Variants in SEMA6A observed in about 807,000 individuals in gnomAD.
SEMA6A encodes semaphorin-6A.
A neutral mutation model predicts 96.8 loss-of-function variants in SEMA6A; 25 were observed. The ratio of observed to expected loss-of-function variants is 0.26; its 90% CI spans 0.19 to 0.36. SEMA6A has a LOEUF of 0.36. SEMA6A is among the 10% of genes least tolerant of loss of function. The pLI, the probability that SEMA6A is intolerant of heterozygous loss-of-function variation, is 1.00. For synonymous variants in SEMA6A, 612 were observed against 518.0 expected, an observed-to-expected ratio of 1.18 and a Z score of -2.46; for missense variants, 1,363 against 1,323.1, an observed-to-expected ratio of 1.03 and a Z score of -0.47.
At chr5:116,453,087 G>C (rs1754752241) in intron 18 of SEMA6A, among the ~76,000 whole-genome samples, 1 of 152,212 alleles carries the variant, frequency 6.6e-6, no homozygotes, top group Non-Finnish European at 1.5e-5. Context: ...AGCAGAGAGA[G>C]CAACAAGAAC....
At chr5:116,495,013 C>T (rs1757517369) in intron 6 of SEMA6A, among the ~76,000 whole-genome samples, 1 of 152,144 alleles carries the variant, frequency 6.6e-6, no homozygotes, top group Non-Finnish European at 1.5e-5. Context: ...GTTTCAAATG[C>T]CGTGCTTTTG....
At chr5:116,532,916 C>A (rs1759547739) in intron 1 of SEMA6A, among the ~76,000 whole-genome samples, 1 of 152,186 alleles carries the variant, frequency 6.6e-6, no homozygotes, top group Non-Finnish European at 1.5e-5. Flanking sequence ...AACAGGGACA[C>A]AGACAGAGAT....
chr5:116,572,404 C>G (rs1251453253), intron 1 of SEMA6A, among the ~76,000 whole-genome samples: 1 of 152,234 alleles, frequency 6.6e-6, no homozygotes, highest in East Asian at 1.9e-4. Context: ...TGCAGGGCTC[C>G]CCAGTGCGAT....
intron 18 of SEMA6A, among the ~76,000 whole-genome samples, chr5:116,466,872 T>C (rs1755791615): frequency 6.6e-6 from 1 of 152,160 alleles, no homozygotes; most frequent in Non-Finnish European, 1.5e-5. Context: ...GTAGGATGTG[T>C]TACCAGAAGC....
intron 1 of SEMA6A, among the ~76,000 whole-genome samples, chr5:116,535,499 G>A (rs553914085): frequency 6.6e-6 from 1 of 152,262 alleles, no homozygotes; most frequent in East Asian, 1.9e-4. Flanking sequence ...TTTGGAGTTT[G>A]AATGATTAGA....
chr5:116,548,488 T>C (rs902752660), intron 1 of SEMA6A, among the ~76,000 whole-genome samples: 2 of 152,188 alleles, frequency 1.3e-5, no homozygotes, highest in Non-Finnish European at 2.9e-5. Context: ...TTCATGGTAT[T>C]TGTGTTACTT....
chr5:116,543,078 T>A (rs946792136), intron 1 of SEMA6A, among the ~76,000 whole-genome samples: 1 of 152,234 alleles, frequency 6.6e-6, no homozygotes, highest in Non-Finnish European at 1.5e-5. Flanking sequence ...ATAGTAGCTT[T>A]TCTCTTTCAA....
At chr5:116,502,547 G>T in intron 2 of SEMA6A, 2 of 491,818 alleles carry the variant, frequency 4.1e-6, no homozygotes, top group African/African-American at 2.0e-5. Context: ...ATAATTATAA[G>T]CCTGGATTTA....
chr5:116,563,920 G>A (rs1046350920), intron 1 of SEMA6A, among the ~76,000 whole-genome samples: 1 of 152,230 alleles, frequency 6.6e-6, no homozygotes, highest in Non-Finnish European at 1.5e-5. Flanking sequence ...TCTGAGGGGA[G>A]GTGGAGAAGG....
chr5:116,504,558 G>A (rs1181131858), intron 2 of SEMA6A, among the ~76,000 whole-genome samples: 1 of 152,180 alleles, frequency 6.6e-6, no homozygotes, highest in Non-Finnish European at 1.5e-5. Flanking sequence ...CTCCCACAGA[G>A]CTGATTTTAA....
At position 116,488,102 on chromosome 5, in the gene SEMA6A, T is replaced by C. The variant is rs770781076; in HGVS notation, c.744+6A>G. 6.9e-6 allele frequency: 11 copies of C among 1,582,976 alleles called. No homozygotes were observed. The highest frequency in any genetic ancestry group is 9.5e-6 in the Non-Finnish European group (11 of 1,153,384). ...AAACTGAGCCAAGGACAGCATCCCCTCTTACCTTTCCCATGGTGTTATACT... is the reference window on the plus strand; with the variant it reads ...AAACTGAGCCAAGGACAGCATCCCCCCTTACCTTTCCCATGGTGTTATACT... On this transcript the variant is annotated splice_donor_region_variant and intron_variant, in intron 9 of 18. Transcript: ENST00000343348.
intron 1 of SEMA6A, among the ~76,000 whole-genome samples, chr5:116,565,238 T>C (rs1394584743): frequency 1.3e-5 from 2 of 152,208 alleles, no homozygotes; most frequent in Non-Finnish European, 2.9e-5. Context: ...CTCTCAGAAG[T>C]TGCCTCTTTT....
At chr5:116,456,105 G>A (rs1219880121) in intron 18 of SEMA6A, among the ~76,000 whole-genome samples, 2 of 152,140 alleles carry the variant, frequency 1.3e-5, no homozygotes, top group African/African-American at 4.8e-5. Flanking sequence ...TTAGCCAAAA[G>A]TGTAAAAATA....
rs375110933 is a variant in SEMA6A at position 116,481,457 on chromosome 5, G to T, written c.1094+987C>A. 3.7e-4 allele frequency among the ~76,000 whole-genome samples: 56 copies of T among 152,290 alleles called. No homozygotes were observed. The East Asian group carries it at 7.7e-3, about 21-fold the overall frequency. Reference sequence around the variant, plus strand: ...AATATCAACATGCCAGATAATTCAGGTAATGAAGATGGATGAGTTTCTCCT... The same window carrying T: ...AATATCAACATGCCAGATAATTCAGTTAATGAAGATGGATGAGTTTCTCCT... On this transcript the variant is annotated intron_variant, in intron 11 of 18. Transcript: ENST00000343348.
intron 18 of SEMA6A, among the ~76,000 whole-genome samples, chr5:116,450,267 G>A (rs1052445139): frequency 6.6e-6 from 1 of 152,100 alleles, no homozygotes; most frequent in Non-Finnish European, 1.5e-5. Flanking sequence ...TGTATTAGGT[G>A]TTTTTTTCAT....
chr5:116,454,861 A>G (rs1334445758), intron 18 of SEMA6A, among the ~76,000 whole-genome samples: 2 of 151,956 alleles, frequency 1.3e-5, no homozygotes, highest in Non-Finnish European at 2.9e-5. Flanking sequence ...CTGGCAGGCT[A>G]CAGATTAGGT....
chr5:116,505,050 C>T (rs1758077732), intron 1 of SEMA6A, 68 bp from the exon 2 acceptor site: 1 of 680,884 alleles, frequency 1.5e-6, no homozygotes, highest in South Asian at 2.0e-5. Context: ...ATGAAATACC[C>T]TGAAAGATAA....
At chr5:116,473,760 A>C (rs998763585) in intron 16 of SEMA6A, among the ~76,000 whole-genome samples, 1 of 152,102 alleles carries the variant, frequency 6.6e-6, no homozygotes, top group Admixed American at 6.5e-5. Flanking sequence ...CTGAATACCT[A>C]TGTGGGGATA....
intron 2 of SEMA6A, 123 bp downstream of exon 2, chr5:116,504,722 G>A: frequency 1.4e-6 from 1 of 693,606 alleles, no homozygotes; most frequent in South Asian, 1.9e-5. Flanking sequence ...AGCCACCTTT[G>A]CCACATACAG....
Sources: gnomAD v4.1 joint callset for allele counts (sites outside exome capture counted in the v4.1 genomes callset) on GRCh38, gnomAD v4.1.1 for gene constraint, MANE v1.5 for transcripts, NCBI Gene and HGNC (gene_info 2026-07-23, HGNC 2026-07-21) for gene names.